TYW1: variants seen among roughly 807,000 people sequenced by gnomAD.
The protein encoded by TYW1 is tRNA-yW synthesizing protein 1 homolog.
A neutral mutation model predicts 96.2 loss-of-function variants in TYW1; 46 were observed. The observed-to-expected ratio is 0.48, with a 90% CI of 0.38 to 0.61. The LOEUF is 0.61. Ranked by LOEUF, TYW1 falls within the 20% of genes least tolerant of loss-of-function variation. The pLI is 0.00. For missense variants in TYW1, 684 were observed against 909.6 expected (o/e 0.75, Z 3.19); for synonymous variants, 274 against 323.0 (o/e 0.85, Z 1.63).
intron 3 of TYW1, among the ~76,000 whole-genome samples, chr7:67,008,029 C>A (rs545342261): frequency 1.3e-5 from 2 of 152,190 alleles, no homozygotes; most frequent in African/African-American, 4.8e-5. Flanking sequence ...AGTCACAAGT[C>A]CCGGCTTTAA....
chr7:67,130,449 G>A (rs1356955091), intron 13 of TYW1, among the ~76,000 whole-genome samples: 1 of 151,692 alleles, frequency 6.6e-6, no homozygotes, highest in Non-Finnish European at 1.5e-5. Flanking sequence ...TGAGGTGGGT[G>A]GATCACGAGT....
chr7:67,188,174 G>C (rs1195812062), intron 14 of TYW1, among the ~76,000 whole-genome samples: 1 of 152,084 alleles, frequency 6.6e-6, no homozygotes, highest in East Asian at 1.9e-4. Flanking sequence ...ACAAAAATTA[G>C]CTGGGCGTGG....
rs186448518 is a variant in TYW1 at position 67,131,864 on chromosome 7, G to T, written c.1698+14246G>T. Among the ~76,000 whole-genome samples the T allele has an allele frequency of 1.1e-3, 174 of 152,158 alleles. 2 individuals carry two copies. The highest frequency in any genetic ancestry group is 1.1e-3 in the Non-Finnish European group (73 of 68,014). On this transcript the variant is annotated intron_variant, in intron 13 of 15. Coordinates refer to ENST00000359626, the MANE Select transcript of TYW1 (RefSeq NM_018264.4). ...CTGAAGAACTTGGAGTTTGATGTTC[G>T]AGGGCAGGAAGCATCCAGCACGGGA...
intron 13 of TYW1, among the ~76,000 whole-genome samples, chr7:67,166,822 A>T (rs559514876): frequency 1.3e-5 from 2 of 152,200 alleles, no homozygotes; most frequent in African/African-American, 4.8e-5. Flanking sequence ...TGCACTAATA[A>T]CTTTTCTGTA....
intron 13 of TYW1, among the ~76,000 whole-genome samples, chr7:67,147,733 A>G (rs1370995566): frequency 6.6e-6 from 1 of 152,122 alleles, no homozygotes; most frequent in Non-Finnish European, 1.5e-5. Context: ...AGCTCCAACC[A>G]TGTCCCTGCA....
In TYW1 at chr7:67,098,599, A is replaced by G. The variant is rs150611507; in HGVS notation, c.1443A>G (p.Ala481=). 1.5e-4 allele frequency: 235 copies of G among 1,613,344 alleles called. No individual in the cohort carries two copies. Among genetic ancestry groups the G allele is most frequent in the Non-Finnish European group, 1.8e-4 (208 of 1,179,794 alleles). The change falls in exon 12 of 16, where the codon GCA becomes GCG. Residue 481 remains alanine (A), a synonymous_variant. Transcript: ENST00000359626. ...AAGGAATGACGGTAAAGCACTGTGC[A>G]TTGTCCCTCGTGGGAGAACCAATAA... The part of the protein sequence containing the change: ...FEEGMTVKHC[A]LSLVGEPIMY...
intron 10 of TYW1, among the ~76,000 whole-genome samples, chr7:67,067,857 G>A (rs1795913471): frequency 6.6e-6 from 1 of 152,022 alleles, no homozygotes; most frequent in Admixed American, 6.6e-5. Flanking sequence ...GGAAATACAA[G>A]CAGTGAATGT....
At chr7:67,025,149 G>A (rs572588962) in intron 7 of TYW1, 127 bp downstream of exon 7, 53 of 1,474,180 alleles carry the variant, frequency 3.6e-5, no homozygotes, top group Non-Finnish European at 4.8e-5. Flanking sequence ...TGTCTTGAGA[G>A]TTTTATAATT....
At chr7:67,111,222 G>A (rs1391186452) in intron 12 of TYW1, among the ~76,000 whole-genome samples, 2 of 149,240 alleles carry the variant, frequency 1.3e-5, no homozygotes, top group African/African-American at 2.5e-5. Context: ...TTTTTTTTCC[G>A]AGACGGAATC....
intron 13 of TYW1, among the ~76,000 whole-genome samples, chr7:67,158,768 T>G (rs1186743219): frequency 6.6e-6 from 1 of 151,708 alleles, no homozygotes; most frequent in Non-Finnish European, 1.5e-5. Context: ...GACGGGGGTT[T>G]CACTGTGTTA....
chr7:67,083,943 G>A (rs571223191), intron 11 of TYW1, among the ~76,000 whole-genome samples: 1 of 152,340 alleles, frequency 6.6e-6, no homozygotes, highest in Non-Finnish European at 1.5e-5. Flanking sequence ...GCTGAGGCAG[G>A]AGAATTGCTT....
At chr7:67,097,539 C>T (rs575250762) in intron 11 of TYW1, among the ~76,000 whole-genome samples, 130 of 152,306 alleles carry the variant, frequency 8.5e-4, no homozygotes, top group Non-Finnish European at 1.6e-3. Context: ...GCTGGGATTA[C>T]AGGCATCCGC....
rs57595328 is a variant in TYW1, at chr7:67,220,201, A to ATT, written c.1978-18088_1978-18087dup. Among the ~76,000 whole-genome samples the ATT allele has an allele frequency of 4.4e-3, 411 of 93,162 alleles. 32 individuals carry two copies. The highest frequency in any genetic ancestry group is 0.011 in the African/African-American group (236 of 22,066). 61.1% of individuals were successfully genotyped at this position (93,162 alleles called of 152,430 possible). On this transcript the variant is annotated intron_variant, in intron 15 of 15. Transcript: ENST00000359626. ...ATTTTTTAGTTTCATTCATTTATTG[A>ATT]TTTTTTTTTTTTTTTTTTTTGAGAT...
In TYW1 at chr7:67,119,761, T is replaced by A. The variant is rs1475434083; in HGVS notation, c.1698+2143T>A. On this transcript the variant is annotated intron_variant, in intron 13 of 15. Coordinates refer to ENST00000359626, the MANE Select transcript of TYW1 (RefSeq NM_018264.4). ...TCTGAATTCTGCACAATGTCTAGCA[T>A]AGTACACTTTAAGGTATTTGATAAA... Among the ~76,000 whole-genome samples the A allele has an allele frequency of 5.3e-5, 8 of 152,264 alleles. 1 individual carries two copies. The highest frequency in any genetic ancestry group is 2.1e-4 in the South Asian group (1 of 4,822).
chr7:67,155,903 A>G (rs11773691), intron 13 of TYW1, among the ~76,000 whole-genome samples: 39,440 of 151,142 alleles, frequency 0.26, 5,603 homozygotes, highest in African/African-American at 0.38. Context: ...TATTTATACT[A>G]TTGGTTGGGT....
chr7:67,012,357 C>A (rs1448767652), intron 4 of TYW1, among the ~76,000 whole-genome samples: 1 of 151,780 alleles, frequency 6.6e-6, no homozygotes, highest in Non-Finnish European at 1.5e-5. Flanking sequence ...CAAAAAAAAA[C>A]CGCAAAAAGG....
rs370443711 is a variant in TYW1 at position 67,098,766 on chromosome 7, C to T, written c.1562+48C>T. 5,914 of 1,515,620 alleles carry T rather than the reference C, an allele frequency of 3.9e-3. 19 individuals are homozygous for T. Among genetic ancestry groups the T allele is most frequent in the Non-Finnish European group, 4.5e-3 (5,089 of 1,132,712 alleles). The allele number at this position is 1,515,620 out of a possible 1,614,324, so 93.9% of individuals were successfully genotyped here. ...AGATGCTGCTTGAATCTATGTTTCA[C>T]TGCAAAGTAAAACTAATAGGCATTA... is the stretch of plus-strand genomic sequence containing the variant. On this transcript the variant is annotated intron_variant, in intron 12 of 15. Coordinates refer to ENST00000359626, the MANE Select transcript of TYW1 (RefSeq NM_018264.4).
In TYW1 at chr7:67,123,170, C is replaced by T. The variant is rs562601188; in HGVS notation, c.1698+5552C>T. Among the ~76,000 whole-genome samples the T allele has an allele frequency of 2.1e-3, 314 of 152,278 alleles. 2 individuals are homozygous for T. The highest frequency in any genetic ancestry group is 4.1e-3 in the Non-Finnish European group (276 of 68,024). ...ATCAGTGCCAAAGTCTATTCTTGAG[C>T]CTTAACCCATCTGGCTAATCTGGAC... On this transcript the variant is annotated intron_variant, in intron 13 of 15. Coordinates refer to ENST00000359626, the MANE Select transcript of TYW1 (RefSeq NM_018264.4).
intron 8 of TYW1, among the ~76,000 whole-genome samples, chr7:67,052,257 C>T (rs1795381974): frequency 6.6e-6 from 1 of 152,110 alleles, no homozygotes; most frequent in Non-Finnish European, 1.5e-5. Context: ...CACCCACCCA[C>T]TTGCTTCCTA....
Sources: gnomAD v4.1 joint callset for allele counts (sites outside exome capture counted in the v4.1 genomes callset) on GRCh38, gnomAD v4.1.1 for gene constraint, MANE v1.5 for transcripts, NCBI Gene and HGNC (gene_info 2026-07-23, HGNC 2026-07-21) for gene names.